METTL8: variants seen among roughly 807,000 people sequenced by gnomAD.
The protein encoded by METTL8 is methyltransferase 8, tRNA N3-cytidine.
METTL8 carries 32 observed loss-of-function variants against 48.7 expected under a neutral mutation model. That is an observed-to-expected ratio of 0.66 (90% CI 0.50 to 0.88). METTL8 has a LOEUF of 0.88. Ranked by LOEUF, METTL8 falls within the 40% of genes least tolerant of loss-of-function variation. METTL8 has a pLI of 0.00. For missense variants in METTL8, 464 were observed against 474.4 expected (o/e 0.98, Z 0.20); for synonymous variants, 136 against 157.1 (o/e 0.87, Z 1.01).
In METTL8 at chr2:171,326,183, T is replaced by TCTTGCATCCTTTGGAAACAAA. The variant is rs1374292428; in HGVS notation, c.861-36_861-35insTTTGTTTCCAAAGGATGCAAG. The TCTTGCATCCTTTGGAAACAAA allele has an allele frequency of 1.5e-5, 17 of 1,161,804 alleles. No homozygotes were observed. In the African/African-American group the frequency reaches 2.3e-4, roughly 16 times the overall value. 72.0% of individuals were successfully genotyped at this position (1,161,804 alleles called of 1,614,324 possible). ...CAAAGTATTAAAAAGATACCCAGTTTGTAGAAATCTTGTTTTATATGCTGG... is the reference window on the plus strand; with the variant it reads ...CAAAGTATTAAAAAGATACCCAGTTTCTTGCATCCTTTGGAAACAAAGTAGAAATCTTGTTTTATATGCTGG... On this transcript the variant is annotated intron_variant, in intron 7 of 9. Transcript: ENST00000375258.
intron 2 of METTL8, chr2:171,375,173 T>C (rs1048653160): frequency 1.1e-5 from 16 of 1,474,514 alleles, no homozygotes; most frequent in Admixed American, 1.7e-5. Flanking sequence ...AATTTCTTAA[T>C]GGCCTTGTCC....
intron 7 of METTL8, 102 bp from the exon 8 acceptor site, chr2:171,326,250 G>A: frequency 1.5e-6 from 1 of 647,842 alleles, no homozygotes; most frequent in Non-Finnish European, 2.7e-6. Context: ...GCTTGATAAG[G>A]CCAAAGAAAT....
At chr2:171,328,605 G>A (rs1159030673) in intron 7 of METTL8, among the ~76,000 whole-genome samples, 3 of 152,128 alleles carry the variant, frequency 2.0e-5, no homozygotes, top group African/African-American at 4.8e-5. Context: ...CCGTCTCCTG[G>A]GTTCCAGTGA....
upstream of METTL8, chr2:171,434,680 A>G: frequency 6.6e-7 from 1 of 1,505,574 alleles, no homozygotes; most frequent in Non-Finnish European, 8.8e-7. Flanking sequence ...CAACCTGGGC[A>G]TCCTGCGGGC....
intron 2 of METTL8, among the ~76,000 whole-genome samples, chr2:171,364,120 A>T (rs2105482302): frequency 6.6e-6 from 1 of 152,174 alleles, no homozygotes; most frequent in African/African-American, 2.4e-5. Context: ...CGGCCAAATT[A>T]TATATGTATT....
In METTL8 at chr2:171,323,923, A is replaced by T. The variant is rs1267684745; in HGVS notation, c.*249T>A. 2.3e-5 allele frequency: 8 copies of T among 349,486 alleles called. No individual in the cohort carries two copies. Among genetic ancestry groups the T allele is most frequent in the Non-Finnish European group, 3.6e-5 (7 of 196,150 alleles). The allele number at this position is 349,486 out of a possible 1,614,324, so 21.6% of individuals were successfully genotyped here. A position where few individuals can be genotyped will look rare whatever the true frequency, so the allele number is the denominator to read the frequency against. On this transcript the variant is annotated 3_prime_UTR_variant, in exon 10 of 10. Transcript: ENST00000375258. ...GAATGCTTATAAAAATCAAGGAACA[A>T]GCAAAATGGTTAGATGTAATAAATT...
At chr2:171,379,829 G>C (rs1160507575) in intron 2 of METTL8, among the ~76,000 whole-genome samples, 1 of 152,162 alleles carries the variant, frequency 6.6e-6, no homozygotes, top group Non-Finnish European at 1.5e-5. Context: ...ACAAAGAGGA[G>C]CTGATACCAT....
intron 1 of METTL8, among the ~76,000 whole-genome samples, chr2:171,411,772 T>A (rs1467222278): frequency 6.6e-6 from 1 of 152,070 alleles, no homozygotes; most frequent in Non-Finnish European, 1.5e-5. Context: ...CTCTTAAACA[T>A]GATACCAAAG....
intron 2 of METTL8, among the ~76,000 whole-genome samples, chr2:171,370,053 G>A (rs188836795): frequency 2.0e-5 from 3 of 150,174 alleles, no homozygotes; most frequent in African/African-American, 2.4e-5. Context: ...GCAACACAGA[G>A]AGACTCCATC....
In METTL8 at chr2:171,372,994, T is replaced by C. The variant is rs548900698; in HGVS notation, c.144-12481A>G. ...CATGATTTATAATCCTTTGGGTATATACCCAGTAATGGGATGACTGGATCA... is the reference window on the plus strand; with the variant it reads ...CATGATTTATAATCCTTTGGGTATACACCCAGTAATGGGATGACTGGATCA... On this transcript the variant is annotated intron_variant, in intron 2 of 9. Transcript: ENST00000375258. 9.2e-5 allele frequency among the ~76,000 whole-genome samples: 14 copies of C among 152,366 alleles called. No individual in the cohort carries two copies. In the South Asian group the frequency reaches 1.9e-3, roughly 20 times the overall value.
chr2:171,343,403 C>T (rs1013738627), intron 3 of METTL8, among the ~76,000 whole-genome samples: 4 of 151,646 alleles, frequency 2.6e-5, no homozygotes, highest in Admixed American at 1.3e-4. Context: ...CGTGCCATTG[C>T]ACTCCAGCCT....
chr2:171,338,613 C>T (rs1424176434), intron 4 of METTL8, among the ~76,000 whole-genome samples: 1 of 150,262 alleles, frequency 6.7e-6, no homozygotes, highest in Non-Finnish European at 1.5e-5. Flanking sequence ...ATACTCTAGC[C>T]CGGGCAACAA....
chr2:171,383,113 T>C (rs539410185), intron 2 of METTL8, among the ~76,000 whole-genome samples: 2 of 151,996 alleles, frequency 1.3e-5, no homozygotes, highest in African/African-American at 4.8e-5. Flanking sequence ...AAAACACACA[T>C]GTGTACTGAA....
intron 1 of METTL8, among the ~76,000 whole-genome samples, chr2:171,428,419 G>A (rs1156364253): frequency 6.6e-6 from 1 of 152,042 alleles, no homozygotes; most frequent in Non-Finnish European, 1.5e-5. Context: ...TACTCAGGAG[G>A]CTGAGGCGGG....
chr2:171,328,698 A>G (rs1352351674), intron 7 of METTL8, among the ~76,000 whole-genome samples: 1 of 151,900 alleles, frequency 6.6e-6, no homozygotes, highest in Non-Finnish European at 1.5e-5. Context: ...TTTATCATTT[A>G]TTTATTTTTT....
At chr2:171,407,537 T>A (rs947553839) in intron 1 of METTL8, among the ~76,000 whole-genome samples, 5 of 152,064 alleles carry the variant, frequency 3.3e-5, no homozygotes, top group African/African-American at 1.2e-4. Flanking sequence ...CAAATGCCTA[T>A]GAAAGAGAAA....
intron 9 of METTL8, 33 bp downstream of exon 9, chr2:171,325,808 T>C (rs762069443): frequency 1.5e-6 from 2 of 1,292,558 alleles, no homozygotes; most frequent in African/African-American, 1.5e-5. Context: ...AGAACGATTA[T>C]GACCAATTAT....
rs536965356 is a variant in METTL8, at chr2:171,392,124, T to C, written c.62A>G (p.Tyr21Cys). The change falls in exon 2 of 10, where the codon TAC (tyrosine) becomes TGC (cysteine). Residue 21 changes from tyrosine (Y) to cysteine (C), a missense_variant. Transcript: ENST00000375258. ...GGCCACTGGGTGGTAACCACTTTGG[T>C]ATCTGTGTGGCACCTTTCCTAGCCT... ...CLRLGKVPHR[Y>C]QSGYHPVAPL... The C allele has an allele frequency of 6.4e-7, 1 of 1,551,622 alleles. No homozygotes were observed. The highest frequency in any genetic ancestry group is 2.4e-5 in the East Asian group (1 of 40,922).
chr2:171,414,616 T>A (rs1691107076), intron 1 of METTL8: 1 of 151,712 alleles, frequency 6.6e-6, no homozygotes, highest in African/African-American at 2.4e-5. Context: ...TGGTCCCAGC[T>A]TCTTGGGTGG....
Sources: gnomAD v4.1 joint callset for allele counts (sites outside exome capture counted in the v4.1 genomes callset) on GRCh38, gnomAD v4.1.1 for gene constraint, MANE v1.5 for transcripts, NCBI Gene and HGNC (gene_info 2026-07-23, HGNC 2026-07-21) for gene names.